Variants in ATP8B1 observed in about 807,000 individuals in gnomAD.
The protein encoded by ATP8B1 is ATPase phospholipid transporting 8B1, also known as phospholipid-transporting ATPase IC.
A neutral mutation model predicts 149.9 loss-of-function variants in ATP8B1; 80 were observed. The ratio of observed to expected loss-of-function variants is 0.53; its 90% CI spans 0.45 to 0.64. The LOEUF (loss-of-function observed/expected upper bound fraction) is 0.64. Ranked by LOEUF, ATP8B1 falls within the 30% of genes least tolerant of loss-of-function variation. ATP8B1 has a pLI of 0.00. For synonymous variants in ATP8B1, 536 were observed against 562.8 expected (o/e 0.95, Z 0.67); for missense variants, 1,247 against 1,552.6 (o/e 0.80, Z 3.31).
chr18:57,732,191 ATATATGTG>A (rs2079781447), intron 1 of ATP8B1, among the ~76,000 whole-genome samples: 7 of 101,996 alleles, frequency 6.9e-5, no homozygotes, highest in South Asian at 3.0e-4. Context: ...GTATATATGT[ATATATGTG>A]TATATATGTA....
chr18:57,771,158 G>A (rs1432083654), intron 1 of ATP8B1, among the ~76,000 whole-genome samples: 1 of 152,236 alleles, frequency 6.6e-6, no homozygotes, highest in Non-Finnish European at 1.5e-5. Flanking sequence ...ATTGCACCCT[G>A]CCTGGACTTG....
intron 1 of ATP8B1, among the ~76,000 whole-genome samples, chr18:57,764,822 C>G (rs1176001478): frequency 6.8e-6 from 1 of 147,360 alleles, no homozygotes; most frequent in African/African-American, 2.5e-5. Context: ...AGTTGAAACA[C>G]TTTTGCACTG....
chr18:57,684,987 C>T (rs1912159905), intron 14 of ATP8B1, 85 bp downstream of exon 14: 1 of 1,538,058 alleles, frequency 6.5e-7, no homozygotes, highest in Non-Finnish European at 9.0e-7. Flanking sequence ...AAAGAGTCTT[C>T]CCTAGACCTT....
chr18:57,801,903 G>C (rs1315787957), intron 1 of ATP8B1: 2 of 152,246 alleles, frequency 1.3e-5, no homozygotes, highest in Non-Finnish European at 2.9e-5. Context: ...CAGGCCAAGG[G>C]GGTCGGGTAG....
At position 57,652,018 on chromosome 18, in the gene ATP8B1, A is replaced by C; in HGVS notation, c.3400+16T>G. 1 of 1,611,300 alleles carries C rather than the reference A, an allele frequency of 6.2e-7. No homozygotes were observed. Among genetic ancestry groups the C allele is most frequent in the African/African-American group, 1.3e-5 (1 of 74,986 alleles). On this transcript the variant is annotated intron_variant, in intron 26 of 27. Coordinates refer to ENST00000648908, the MANE Select transcript of ATP8B1 (RefSeq NM_001374385.1). ...ATTTGTCTGTACATTTATTTTTGGAATTTGGAAATACCAACCTGTAAATTG... is the reference window on the plus strand; with the variant it reads ...ATTTGTCTGTACATTTATTTTTGGACTTTGGAAATACCAACCTGTAAATTG...
intron 1 of ATP8B1, among the ~76,000 whole-genome samples, chr18:57,780,786 A>G (rs1363248386): frequency 6.6e-6 from 1 of 152,214 alleles, no homozygotes; most frequent in Non-Finnish European, 1.5e-5. Flanking sequence ...CCCCAACAGA[A>G]GGAAGCTGTG....
rs1196531798 is a variant in ATP8B1, at chr18:57,706,596, A to G, written c.182-9T>C. On this transcript the variant is annotated splice_polypyrimidine_tract_variant and intron_variant, in intron 2 of 27. Transcript: ENST00000648908. ...GACTTGCCATGTACATTCTTTAAAA[A>G]AAAGGGAGAAAAGTTCGTAAGTAGC... is the stretch of plus-strand genomic sequence containing the variant. 1 of 1,605,132 alleles carries G rather than the reference A, an allele frequency of 6.2e-7. No individual in the cohort carries two copies. Among genetic ancestry groups the G allele is most frequent in the South Asian group, 1.1e-5 (1 of 90,394 alleles).
chr18:57,678,542 A>C (rs1390884168), intron 15 of ATP8B1, among the ~76,000 whole-genome samples: 1 of 146,660 alleles, frequency 6.8e-6, no homozygotes, highest in Non-Finnish European at 1.5e-5. Context: ...AACCGAGATC[A>C]CACCATTGCA....
chr18:57,748,300 G>A (rs1022788219), intron 1 of ATP8B1, among the ~76,000 whole-genome samples: 1 of 152,138 alleles, frequency 6.6e-6, no homozygotes, highest in African/African-American at 2.4e-5. Context: ...TAAGTTCTTT[G>A]CCCAAGGACA....
At chr18:57,746,467 CTTTTT>C (rs71171082) in intron 1 of ATP8B1, among the ~76,000 whole-genome samples, 1 of 94,100 alleles carries the variant, frequency 1.1e-5, no homozygotes, top group African/African-American at 4.3e-5. Flanking sequence ...CTGATGCTTA[CTTTTT>C]TTTTTTTTTT....
intron 17 of ATP8B1, 50 bp from the exon 18 acceptor site, chr18:57,669,532 A>C: frequency 6.5e-7 from 1 of 1,539,460 alleles, no homozygotes; most frequent in Non-Finnish European, 8.9e-7. Context: ...TAGTTAATTT[A>C]TGTAATTCAG....
intron 13 of ATP8B1, among the ~76,000 whole-genome samples, chr18:57,686,047 A>G (rs1439321573): frequency 6.6e-6 from 1 of 152,192 alleles, no homozygotes; most frequent in Non-Finnish European, 1.5e-5. Flanking sequence ...CAGGGGTTCG[A>G]TACCAGTCTG....
intron 2 of ATP8B1, among the ~76,000 whole-genome samples, chr18:57,708,820 C>T (rs1328028159): frequency 6.6e-6 from 1 of 152,196 alleles, no homozygotes; most frequent in African/African-American, 2.4e-5. Context: ...AAATTTGCTT[C>T]ATAATTAAGC....
intron 1 of ATP8B1, among the ~76,000 whole-genome samples, chr18:57,765,712 C>T (rs925200872): frequency 6.6e-6 from 1 of 151,050 alleles, no homozygotes; most frequent in Admixed American, 6.6e-5. Context: ...CGCATTGGCT[C>T]ACACCTGTAA....
chr18:57,648,414 A>T lies in ATP8B1; in HGVS notation c.*74T>A. ...TGTGATGAATGCAATTCACACACAC[A>T]CACAAAGTCCTGAGAGTCTTTCATA... is the stretch of plus-strand genomic sequence containing the variant. On this transcript the variant is annotated 3_prime_UTR_variant, in exon 28 of 28. Coordinates refer to ENST00000648908, the MANE Select transcript of ATP8B1 (RefSeq NM_001374385.1). 6.6e-7 allele frequency: 1 copy of T among 1,507,696 alleles called. No homozygotes were observed. The allele number at this position is 1,507,696 out of a possible 1,614,324, so 93.4% of individuals were successfully genotyped here. A position where few individuals can be genotyped will look rare whatever the true frequency, so the allele number is the denominator to read the frequency against.
At chr18:57,799,614 C>T (rs894784221) in intron 1 of ATP8B1, among the ~76,000 whole-genome samples, 1 of 149,804 alleles carries the variant, frequency 6.7e-6, no homozygotes, top group Middle Eastern at 3.2e-3. Context: ...GAGGCTGAGA[C>T]ACGAGAATTG....
chr18:57,731,034 C>T (rs1401503613), intron 2 of ATP8B1, among the ~76,000 whole-genome samples: 1 of 152,124 alleles, frequency 6.6e-6, no homozygotes, highest in East Asian at 1.9e-4. Flanking sequence ...TAGCTCATGC[C>T]TGTAATTCCA....
At chr18:57,728,786 C>T (rs1599162594) in intron 2 of ATP8B1, among the ~76,000 whole-genome samples, 1 of 145,818 alleles carries the variant, frequency 6.9e-6, no homozygotes, top group South Asian at 2.2e-4. Context: ...GTGGTGGGAT[C>T]TTGGTTCACT....
chr18:57,751,493 A>G (rs989538690), intron 1 of ATP8B1, among the ~76,000 whole-genome samples: 3 of 151,994 alleles, frequency 2.0e-5, no homozygotes, highest in African/African-American at 7.2e-5. Flanking sequence ...TGTCTGGACC[A>G]AACACAAAAT....
Sources: allele counts gnomAD v4.1 joint callset (sites outside exome capture counted in the v4.1 genomes callset), GRCh38; gene constraint gnomAD v4.1.1; transcripts MANE v1.5; gene names NCBI Gene and HGNC (gene_info 2026-07-23, HGNC 2026-07-21).